Variants in MARCHF4 observed in about 807,000 individuals in gnomAD.
The protein encoded by MARCHF4 is E3 ubiquitin-protein ligase MARCHF4.
A neutral mutation model predicts 43.9 loss-of-function variants in MARCHF4; 14 were observed. That is an observed-to-expected ratio of 0.32 (90% confidence interval 0.21 to 0.50). The LOEUF (loss-of-function observed/expected upper bound fraction) is 0.50. MARCHF4 is among the 20% of genes least tolerant of loss of function. MARCHF4 has a pLI of 0.98. For synonymous variants in MARCHF4, 226 were observed against 213.3 expected (o/e 1.06, Z -0.52); for missense variants, 468 against 536.7 (o/e 0.87, Z 1.27).
intron 1 of MARCHF4, among the ~76,000 whole-genome samples, chr2:216,326,044 T>A: frequency 7.3e-6 from 1 of 136,242 alleles, no homozygotes; most frequent in Admixed American, 7.5e-5. Flanking sequence ...TGGGAGAAAA[T>A]TTTCGCAACC....
At chr2:216,363,204 C>A (rs1299129133) in intron 1 of MARCHF4, among the ~76,000 whole-genome samples, 2 of 152,168 alleles carry the variant, frequency 1.3e-5, no homozygotes, top group Non-Finnish European at 2.9e-5. Flanking sequence ...TCAATGGGGG[C>A]CTCAGCTAGA....
chr2:216,282,758 G>C (rs1247441879), intron 2 of MARCHF4, among the ~76,000 whole-genome samples: 1 of 152,172 alleles, frequency 6.6e-6, no homozygotes, highest in African/African-American at 2.4e-5. Flanking sequence ...GGATCCCTAA[G>C]TTCTGTCTGA....
At chr2:216,316,744 C>G (rs1280107378) in intron 1 of MARCHF4, among the ~76,000 whole-genome samples, 1 of 152,030 alleles carries the variant, frequency 6.6e-6, no homozygotes, top group East Asian at 1.9e-4. Context: ...ACCCCCAGAA[C>G]TTCTGATTCT....
chr2:216,294,815 G>A (rs538615982), intron 1 of MARCHF4, among the ~76,000 whole-genome samples: 44 of 152,286 alleles, frequency 2.9e-4, no homozygotes, highest in African/African-American at 1.0e-3. Flanking sequence ...TGTATACAAA[G>A]ATAAAAATAA....
chr2:216,316,941 G>A (rs1289446192), intron 1 of MARCHF4, among the ~76,000 whole-genome samples: 8 of 152,238 alleles, frequency 5.3e-5, no homozygotes, highest in East Asian at 1.9e-4. Flanking sequence ...GAGTGGCTAC[G>A]GACGTCTGAG....
intron 1 of MARCHF4, among the ~76,000 whole-genome samples, chr2:216,356,259 C>A (rs896494563): frequency 1.3e-5 from 2 of 152,226 alleles, no homozygotes; most frequent in Admixed American, 6.5e-5. Context: ...GGAAACTTTC[C>A]TGGCCCCTCA....
chr2:216,308,449 A>T (rs555269416), intron 1 of MARCHF4, among the ~76,000 whole-genome samples: 2,762 of 152,316 alleles, frequency 0.018, 78 homozygotes, highest in African/African-American at 0.063. Flanking sequence ...CTCTATCCTG[A>T]ACTCCAGGCC....
chr2:216,283,817 G>A, intron 1 of MARCHF4, 88 bp from the exon 2 acceptor site: 1 of 1,387,272 alleles, frequency 7.2e-7, no homozygotes, highest in South Asian at 1.5e-5. Flanking sequence ...GCTGCAGCCT[G>A]GTTTGAGCCA....
chr2:216,308,486 TCAC>T (rs1424697454), intron 1 of MARCHF4, among the ~76,000 whole-genome samples: 1 of 152,228 alleles, frequency 6.6e-6, no homozygotes, highest in African/African-American at 2.4e-5. Context: ...GTTTCCTGTA[TCAC>T]CCACGCTGAA....
intron 1 of MARCHF4, among the ~76,000 whole-genome samples, chr2:216,285,306 T>C (rs1273273178): frequency 2.6e-5 from 4 of 152,078 alleles, no homozygotes; most frequent in Non-Finnish European, 5.9e-5. Context: ...ATAAATGAAC[T>C]TGGCAGAAAT....
At chr2:216,321,032 T>C (rs1691887316) in intron 1 of MARCHF4, among the ~76,000 whole-genome samples, 1 of 151,384 alleles carries the variant, frequency 6.6e-6, no homozygotes, top group Admixed American at 6.6e-5. Context: ...TGAGTAAGAG[T>C]GAAGAATAAT....
At chr2:216,305,018 T>C (rs1301303029) in intron 1 of MARCHF4, among the ~76,000 whole-genome samples, 1 of 152,132 alleles carries the variant, frequency 6.6e-6, no homozygotes, top group African/African-American at 2.4e-5. Flanking sequence ...AAGCATCCCA[T>C]GCATCCTATT....
chr2:216,284,887 G>T (rs1225594203), intron 1 of MARCHF4, among the ~76,000 whole-genome samples: 1 of 152,160 alleles, frequency 6.6e-6, no homozygotes, highest in African/African-American at 2.4e-5. Context: ...TCTTCAAGAT[G>T]ATTCGAATGC....
chr2:216,260,543 C>T (rs781239517), intron 3 of MARCHF4, among the ~76,000 whole-genome samples: 6 of 152,034 alleles, frequency 3.9e-5, no homozygotes, highest in South Asian at 2.1e-4. Flanking sequence ...GAGAGCACTT[C>T]GGTGGAAGGA....
At chr2:216,359,079 C>T (rs1313261882) in intron 1 of MARCHF4, among the ~76,000 whole-genome samples, 3 of 152,188 alleles carry the variant, frequency 2.0e-5, no homozygotes, top group Non-Finnish European at 4.4e-5. Flanking sequence ...AGACAAACCC[C>T]CAAGCTTCAG....
intron 1 of MARCHF4, among the ~76,000 whole-genome samples, chr2:216,340,534 G>C (rs1054302352): frequency 6.6e-6 from 1 of 152,138 alleles, no homozygotes; most frequent in Non-Finnish European, 1.5e-5. Flanking sequence ...AATTCCACCA[G>C]CACCTACTCT....
chr2:216,341,633 A>G (rs1267324623), intron 1 of MARCHF4, among the ~76,000 whole-genome samples: 3 of 152,200 alleles, frequency 2.0e-5, no homozygotes, highest in African/African-American at 7.2e-5. Context: ...CCTGTTCTCA[A>G]AGCTGAGGAC....
chr2:216,339,379 C>T (rs761213301), intron 1 of MARCHF4, among the ~76,000 whole-genome samples: 7 of 152,252 alleles, frequency 4.6e-5, no homozygotes, highest in Non-Finnish European at 7.3e-5. Flanking sequence ...CCCATAATCC[C>T]CTTGGGAAAT....
chr2:216,282,912 C>A (rs1015844189), intron 2 of MARCHF4, among the ~76,000 whole-genome samples: 4 of 152,140 alleles, frequency 2.6e-5, no homozygotes, highest in African/African-American at 9.7e-5. Flanking sequence ...CTGTTTTTCC[C>A]TCTGTCCCTT....
Sources: gnomAD v4.1 joint callset for allele counts (sites outside exome capture counted in the v4.1 genomes callset) on GRCh38, gnomAD v4.1.1 for gene constraint, MANE v1.5 for transcripts, NCBI Gene and HGNC (gene_info 2026-07-23, HGNC 2026-07-21) for gene names.